LEMD1: variants seen among roughly 807,000 people sequenced by gnomAD.
LEMD1 encodes the protein LEM domain-containing protein 1.
Under a neutral mutation model 17.4 loss-of-function variants are expected in LEMD1, and 18 were observed. That is an observed-to-expected ratio of 1.04 (90% CI 0.72 to 1.54). The LOEUF (loss-of-function observed/expected upper bound fraction) is 1.54. LEMD1 is among the 40% of genes most tolerant of loss of function. The pLI is 0.00. For synonymous variants in LEMD1, 88 were observed against 77.8 expected, an observed-to-expected ratio of 1.13 and a Z score of -0.69; for missense variants, 195 against 210.4, an observed-to-expected ratio of 0.93 and a Z score of 0.45.
chr1:205,436,518 T>TG (rs35190644), intron 1 of LEMD1: 139,639 of 152,116 alleles, frequency 0.92, 65,021 homozygotes, highest in East Asian at 1. Context: ...AGGGATGGCC[T>TG]GGGGTCCAGA....
intron 2 of LEMD1, 58 bp downstream of exon 2, chr1:205,420,397 A>T (rs1300954047): frequency 7.8e-7 from 1 of 1,282,412 alleles, no homozygotes; most frequent in Non-Finnish European, 1.1e-6. Flanking sequence ...CTTCTATTGT[A>T]AGTTGTTTAT....
At chr1:205,399,798 A>G (rs1312149661) in intron 4 of LEMD1, among the ~76,000 whole-genome samples, 2 of 152,220 alleles carry the variant, frequency 1.3e-5, no homozygotes, top group African/African-American at 2.4e-5. Context: ...TACATGAATG[A>G]ATGAGTGAGT....
rs1666369813 is a variant in LEMD1 at position 205,445,343 on chromosome 1, G to C, written c.-39+4525C>G. Among the ~76,000 whole-genome samples, 3 of 152,190 alleles carry C rather than the reference G, an allele frequency of 2.0e-5. No individual in the cohort carries two copies. In the South Asian group the frequency reaches 6.2e-4, roughly 32 times the overall value. ...TGGTGGCACAAACTACAGATCCCAG[G>C]ACTTCTTCCCGGAGTTGGCACCAGC... On this transcript the variant is annotated intron_variant, in intron 1 of 3. Coordinates refer to the LEMD1 transcript ENST00000367154.
intron 2 of LEMD1, 116 bp from the exon 3 acceptor site, chr1:205,419,468 A>T: frequency 1.7e-6 from 2 of 1,202,860 alleles, no homozygotes; most frequent in Non-Finnish European, 1.2e-6. Context: ...TTATTGGTTA[A>T]TTATGGCTTT....
chr1:205,406,362 G>A (rs1665104037), intron 4 of LEMD1, among the ~76,000 whole-genome samples: 1 of 152,260 alleles, frequency 6.6e-6, no homozygotes, highest in Admixed American at 6.5e-5. Context: ...GCTCCACCCA[G>A]TTCGAGCTTC....
At chr1:205,410,361 T>C (rs1665330124) in intron 4 of LEMD1, among the ~76,000 whole-genome samples, 1 of 152,234 alleles carries the variant, frequency 6.6e-6, no homozygotes, top group Non-Finnish European at 1.5e-5. Flanking sequence ...CAATAAATAG[T>C]TATTGACTCA....
chr1:205,430,773 C>T lies in LEMD1; in HGVS notation c.-38-10199G>A, dbSNP rs192032773. Reference sequence around the variant, plus strand: ...GCACTGCGCACGCGCACTCAGGCCGCGGCTCCAGCCGCCCTCCCTCCGCAG... The same window carrying T: ...GCACTGCGCACGCGCACTCAGGCCGTGGCTCCAGCCGCCCTCCCTCCGCAG... On this transcript the variant is annotated intron_variant, in intron 1 of 3. Transcript: ENST00000367154. Among the ~76,000 whole-genome samples the T allele has an allele frequency of 5.6e-4, 85 of 152,338 alleles. 1 individual carries two copies. The East Asian group carries it at 0.013, about 23-fold the overall frequency.
intron 1 of LEMD1, chr1:205,440,974 A>G (rs1448739664): frequency 6.6e-6 from 1 of 152,306 alleles, no homozygotes; most frequent in Non-Finnish European, 1.5e-5. Context: ...CTTCCTCTTC[A>G]TTTTGCAGAA....
At chr1:205,425,388 G>C (rs571016802), upstream of LEMD1, among the ~76,000 whole-genome samples, 4 of 152,246 alleles carry the variant, frequency 2.6e-5, no homozygotes, top group East Asian at 5.8e-4. Context: ...AGGTGCGGAG[G>C]GGGAGGACAG....
chr1:205,447,313 G>A (rs189096014), intron 1 of LEMD1, among the ~76,000 whole-genome samples: 8 of 152,320 alleles, frequency 5.3e-5, no homozygotes, highest in African/African-American at 9.6e-5. Context: ...CAGGTGAGGC[G>A]GTTAGAATCA....
At chr1:205,406,186 A>G (rs897883896) in intron 4 of LEMD1, among the ~76,000 whole-genome samples, 1 of 151,996 alleles carries the variant, frequency 6.6e-6, no homozygotes, top group Non-Finnish European at 1.5e-5. Flanking sequence ...CAGTCTGCCC[A>G]TTCTCAGATC....
chr1:205,394,587 G>A (rs1664498937), intron 4 of LEMD1, among the ~76,000 whole-genome samples: 1 of 152,116 alleles, frequency 6.6e-6, no homozygotes. Flanking sequence ...GTTTTGCCAT[G>A]TTGGCTGGGC....
chr1:205,420,553 C>T lies in LEMD1; in HGVS notation c.-17G>A. ...ATCCACCATGATGATAGAAGTTTGG[C>T]CTCTTTTCTGATGGTAGAATCCTTG... On this transcript the variant is annotated 5_prime_UTR_variant, in exon 2 of 6. Transcript: ENST00000367153. The T allele has an allele frequency of 6.3e-7, 1 of 1,597,878 alleles. No homozygotes were observed. The highest frequency in any genetic ancestry group is 8.6e-7 in the Non-Finnish European group (1 of 1,165,388).
intron 1 of LEMD1, among the ~76,000 whole-genome samples, chr1:205,428,210 C>T (rs376310215): frequency 1.3e-5 from 2 of 152,092 alleles, no homozygotes; most frequent in Admixed American, 1.3e-4. Context: ...ATAATGAAAC[C>T]CACATATACC....
At chr1:205,408,455 A>G (rs1377745594) in intron 4 of LEMD1, among the ~76,000 whole-genome samples, 2 of 151,594 alleles carry the variant, frequency 1.3e-5, no homozygotes, top group Non-Finnish European at 2.9e-5. Flanking sequence ...AAATATTTCG[A>G]GAGGTGTGGA....
At chr1:205,419,710 C>G (rs1173994690) in intron 2 of LEMD1, among the ~76,000 whole-genome samples, 2 of 152,226 alleles carry the variant, frequency 1.3e-5, no homozygotes, top group African/African-American at 4.8e-5. Flanking sequence ...AAGTGATCCA[C>G]CCGCCTCGGC....
chr1:205,440,249 G>A (rs1412414969), intron 1 of LEMD1, among the ~76,000 whole-genome samples: 1 of 152,146 alleles, frequency 6.6e-6, no homozygotes, highest in Non-Finnish European at 1.5e-5. Flanking sequence ...TCATGAACAC[G>A]GGTGGGTCAG....
intron 4 of LEMD1, among the ~76,000 whole-genome samples, chr1:205,414,032 C>T (rs1231824565): frequency 2.6e-5 from 4 of 151,962 alleles, no homozygotes. Context: ...GCATAAAGAA[C>T]AGTTGAAGTA....
At chr1:205,391,665 A>C (rs563112203) in intron 4 of LEMD1, among the ~76,000 whole-genome samples, 4 of 152,130 alleles carry the variant, frequency 2.6e-5, no homozygotes, top group Non-Finnish European at 4.4e-5. Flanking sequence ...GCAGCCCAGG[A>C]GTAAGGAGGC....
Sources: gnomAD v4.1 joint callset for allele counts (sites outside exome capture counted in the v4.1 genomes callset) on GRCh38, gnomAD v4.1.1 for gene constraint, MANE v1.5 for transcripts, NCBI Gene and HGNC (gene_info 2026-07-23, HGNC 2026-07-21) for gene names.